The following TMEM33 variants were observed in gnomAD, a reference collection of about 807,000 sequenced individuals.
TMEM33 encodes transmembrane protein 33.
In TMEM33, 16 loss-of-function variants were observed where a neutral mutation model predicts 29.7. The ratio of observed to expected loss-of-function variants is 0.54; its 90% CI spans 0.36 to 0.82. The LOEUF (loss-of-function observed/expected upper bound fraction) is 0.82, where lower values mean the gene tolerates loss of function less well. Ranked by LOEUF, TMEM33 falls within the 40% of genes least tolerant of loss-of-function variation. The pLI is 0.00. For synonymous variants in TMEM33, 112 were observed against 109.4 expected (o/e 1.02, Z -0.15); for missense variants, 252 against 295.3 (o/e 0.85, Z 1.08).
chr4:41,958,588 G>T lies in TMEM33; in HGVS notation c.*4389G>T, dbSNP rs1006484079. On this transcript the variant is annotated 3_prime_UTR_variant, in exon 7 of 7. Coordinates refer to ENST00000504986, the MANE Select transcript of TMEM33 (RefSeq NM_018126.3). The stretch of plus-strand genomic sequence containing the variant: ...CCCGTTGAACCTCTTTTAAAATTTA[G>T]ACTTTTGATAGTAATATAAAAGCAT... The T allele has an allele frequency of 6.6e-6, 1 of 150,522 alleles. No individual in the cohort carries two copies. Among genetic ancestry groups the T allele is most frequent in the African/African-American group, 2.5e-5 (1 of 40,558 alleles). 9.3% of individuals were successfully genotyped at this position (150,522 alleles called of 1,614,324 possible). A position where few individuals can be genotyped will look rare whatever the true frequency, so the allele number is the denominator to read the frequency against.
chr4:41,952,337 T>C (rs1713076744), intron 6 of TMEM33, among the ~76,000 whole-genome samples: 2 of 152,338 alleles, frequency 1.3e-5, no homozygotes, highest in South Asian at 4.1e-4. Context: ...TGTTGCTTTT[T>C]TTCTAACCAT....
At chr4:41,937,655 A>T (rs1019807405) in intron 1 of TMEM33, among the ~76,000 whole-genome samples, 7 of 152,202 alleles carry the variant, frequency 4.6e-5, no homozygotes, top group African/African-American at 7.2e-5. Flanking sequence ...AGTAGGGTAA[A>T]TATTTGTGAA....
intron 5 of TMEM33, among the ~76,000 whole-genome samples, chr4:41,947,100 G>C (rs936829932): frequency 6.6e-6 from 1 of 151,914 alleles, no homozygotes; most frequent in African/African-American, 2.4e-5. Context: ...GCTGGGCCTG[G>C]TGGTGTGTGC....
intron 6 of TMEM33, among the ~76,000 whole-genome samples, chr4:41,950,997 T>A (rs1225259421): frequency 6.6e-6 from 1 of 152,162 alleles, no homozygotes; most frequent in African/African-American, 2.4e-5. Flanking sequence ...AGTGGAAAGG[T>A]AATGGAAAAT....
intron 5 of TMEM33, among the ~76,000 whole-genome samples, chr4:41,946,859 G>A (rs1190783413): frequency 6.6e-6 from 1 of 151,682 alleles, no homozygotes; most frequent in Non-Finnish European, 1.5e-5. Context: ...CATTTTTCTC[G>A]GGTTTTTGTG....
chr4:41,951,428 T>C (rs989670735), intron 6 of TMEM33, among the ~76,000 whole-genome samples: 20 of 152,196 alleles, frequency 1.3e-4, no homozygotes, highest in African/African-American at 4.6e-4. Context: ...AATTTTATCA[T>C]TGTTCAAAGT....
rs1024735454 is a variant in TMEM33 at position 41,960,662 on chromosome 4, T to G, written c.*6463T>G. On this transcript the variant is annotated 3_prime_UTR_variant, in exon 7 of 7. Transcript: ENST00000504986. Reference sequence around the variant, plus strand: ...GCCTTTTTGTTAGAATAAGGTGAATTTGAACACACTCCTCTTATCCTCAGC... The same window carrying G: ...GCCTTTTTGTTAGAATAAGGTGAATGTGAACACACTCCTCTTATCCTCAGC... 1 of 152,162 alleles carries G rather than the reference T, an allele frequency of 6.6e-6. No individual in the cohort carries two copies. The highest frequency in any genetic ancestry group is 1.5e-5 in the Non-Finnish European group (1 of 68,006). The allele number at this position is 152,162 out of a possible 1,614,324, so 9.4% of individuals were successfully genotyped here. A position where few individuals can be genotyped will look rare whatever the true frequency, so the allele number is the denominator to read the frequency against.
intron 3 of TMEM33, 122 bp downstream of exon 3, chr4:41,939,505 A>G: frequency 1.0e-6 from 1 of 1,002,216 alleles, no homozygotes; most frequent in Non-Finnish European, 1.5e-6. Flanking sequence ...ACTTCATTTG[A>G]ATGAAGATAT....
Position 41,943,787 on chromosome 4 carries a change from T to C in TMEM33, c.369T>C (p.Ala123=), listed in dbSNP as rs760247773. 15 of 1,613,882 alleles carry C rather than the reference T, an allele frequency of 9.3e-6. 1 individual carries two copies. The South Asian group carries it at 1.6e-4, about 18-fold the overall frequency. The change falls in exon 4 of 7, where the codon GCT becomes GCC. Residue 123 remains alanine, a synonymous_variant. Coordinates refer to ENST00000504986, the MANE Select transcript of TMEM33 (RefSeq NM_018126.3). ...TCTTGTTATTCTCTTTGCTTCATGC[T>C]GCCACATATACGAAAAAGGTCCTTG... ...FPVLLFSLLH[A]ATYTKKVLDA...
At chr4:41,935,404 C>G, upstream of TMEM33, 1 of 1,460,134 alleles carries the variant, frequency 6.8e-7, no homozygotes, top group Non-Finnish European at 9.4e-7. Flanking sequence ...GTACCCGGGT[C>G]CTGGCCCCAG....
chr4:41,935,356 TGCATCCG>T, upstream of TMEM33: 1 of 993,762 alleles, frequency 1.0e-6, no homozygotes. Flanking sequence ...TCCGGCAGGG[TGCATCCG>T]GCCTGTGTGT....
At chr4:41,948,732 T>C (rs1431634218) in intron 5 of TMEM33, among the ~76,000 whole-genome samples, 1 of 152,100 alleles carries the variant, frequency 6.6e-6, no homozygotes, top group Non-Finnish European at 1.5e-5. Context: ...CACATTTTGT[T>C]TGTAGTTATT....
chr4:41,943,544 T>G (rs1015437302), intron 3 of TMEM33, among the ~76,000 whole-genome samples: 3 of 151,620 alleles, frequency 2.0e-5, no homozygotes, highest in African/African-American at 7.3e-5. Context: ...AAAAGAACTG[T>G]GAATTTTAGA....
chr4:41,952,405 G>A (rs1341554576), intron 6 of TMEM33, among the ~76,000 whole-genome samples: 1 of 152,188 alleles, frequency 6.6e-6, no homozygotes, highest in African/African-American at 2.4e-5. Flanking sequence ...TACAGGATGA[G>A]TCAGCACATA....
chr4:41,950,654 T>G (rs1294290820), intron 6 of TMEM33, among the ~76,000 whole-genome samples: 3 of 152,174 alleles, frequency 2.0e-5, no homozygotes, highest in African/African-American at 7.2e-5. Context: ...TCGTTCTTAG[T>G]GAGTCTCTAG....
At chr4:41,935,620 A>T (rs1047013042) in intron 1 of TMEM33, 91 bp downstream of exon 1, 2 of 1,303,046 alleles carry the variant, frequency 1.5e-6, no homozygotes, top group East Asian at 5.0e-5. Flanking sequence ...CCAGAAGCTC[A>T]GTGCATTCAG....
intron 5 of TMEM33, 126 bp from the exon 6 acceptor site, chr4:41,949,176 A>C: frequency 1.8e-6 from 1 of 549,162 alleles, no homozygotes. Flanking sequence ...TAGACATGAT[A>C]GATTTCACTA....
rs148074180 is a variant in TMEM33 at position 41,936,923 on chromosome 4, A to G, written c.45+1394A>G. On this transcript the variant is annotated intron_variant, in intron 1 of 6. Coordinates refer to ENST00000504986, the MANE Select transcript of TMEM33 (RefSeq NM_018126.3). ...CAGAATTTGTTTGATTATTTGATTA[A>G]GGTGGTGTCCACCAGTTTCTCCATT... is the stretch of plus-strand genomic sequence containing the variant. Among the ~76,000 whole-genome samples the G allele has an allele frequency of 9.3e-3, 1,410 of 152,332 alleles. 12 individuals carry two copies. Among genetic ancestry groups the G allele is most frequent in the Middle Eastern group, 0.02 (6 of 294 alleles).
chr4:41,935,525 C>G lies in TMEM33; in HGVS notation c.41C>G (p.Ala14Gly). 1.2e-6 allele frequency: 2 copies of G among 1,607,704 alleles called. No individual in the cohort carries two copies. The highest frequency in any genetic ancestry group is 1.7e-6 in the Non-Finnish European group (2 of 1,177,154). Residue 14 changes from alanine to glycine, a missense_variant, in exon 1 of 7, where the codon GCT (alanine) becomes GGT (glycine). Transcript: ENST00000504986. Reference protein sequence around the residue: ...TTPNGPQGAGAVQFMMTNKLD... With the variant: ...TTPNGPQGAGGVQFMMTNKLD... ...CCGAACGGCCCCCAAGGGGCGGGCG[C>G]TGTGGTAAGTGCGAGGGCAGGGTAG... is the stretch of plus-strand genomic sequence containing the variant.
Sources: gnomAD v4.1 joint callset for allele counts (sites outside exome capture counted in the v4.1 genomes callset) on GRCh38, gnomAD v4.1.1 for gene constraint, MANE v1.5 for transcripts, NCBI Gene and HGNC (gene_info 2026-07-23, HGNC 2026-07-21) for gene names.